DLG2: variants seen among roughly 807,000 people sequenced by gnomAD.
The protein encoded by DLG2 is discs large MAGUK scaffold protein 2, also known as disks large homolog 2.
DLG2 carries 45 observed loss-of-function variants against 132.5 expected under a neutral mutation model. The observed-to-expected ratio is 0.34, with a 90% CI of 0.27 to 0.44. DLG2 has a LOEUF of 0.44. Among genes scored for constraint, DLG2 ranks in the 20% least tolerant of loss-of-function variants. The pLI is 1.00. For synonymous variants in DLG2, 424 were observed against 419.6 expected (o/e 1.01, Z -0.13); for missense variants, 1,045 against 1,196.9 (o/e 0.87, Z 1.87).
At chr11:85,399,103 T>G (rs1176546875) in intron 3 of DLG2, among the ~76,000 whole-genome samples, 4 of 152,126 alleles carry the variant, frequency 2.6e-5, no homozygotes, top group Non-Finnish European at 5.9e-5. Flanking sequence ...AAAATCAATG[T>G]GCAAAAATCA....
At chr11:84,183,398 G>A (rs2096193911) in intron 8 of DLG2, among the ~76,000 whole-genome samples, 1 of 152,070 alleles carries the variant, frequency 6.6e-6, no homozygotes, top group Admixed American at 6.6e-5. Context: ...CTGTGTGTGT[G>A]TTAGGTGGGG....
chr11:84,940,108 A>G (rs2049208102), intron 6 of DLG2, among the ~76,000 whole-genome samples: 1 of 152,198 alleles, frequency 6.6e-6, no homozygotes, highest in Non-Finnish European at 1.5e-5. Context: ...GTTTTTGGAT[A>G]AAAGCCATTT....
At chr11:83,690,489 C>T (rs2080790382) in intron 18 of DLG2, among the ~76,000 whole-genome samples, 1 of 151,958 alleles carries the variant, frequency 6.6e-6, no homozygotes, top group African/African-American at 2.4e-5. Flanking sequence ...CCTCAAAGGT[C>T]AGTGGCAAAT....
intron 16 of DLG2, among the ~76,000 whole-genome samples, chr11:83,862,452 T>C (rs559948656): frequency 1.3e-5 from 2 of 152,114 alleles, no homozygotes; most frequent in East Asian, 1.9e-4. Context: ...TGAAGGGCAG[T>C]GGTGGGGGAA....
At position 84,490,880 on chromosome 11, in the gene DLG2, T is replaced by A. The variant is rs138196300; in HGVS notation, c.519+43690A>T. On this transcript the variant is annotated intron_variant, in intron 7 of 27. Transcript: ENST00000376104. ...AAAATCCCATTCTAACAGATCTGAA[T>A]GGTTGCGTGTGTGTGTGTGTGTGTG... 3.7e-3 allele frequency among the ~76,000 whole-genome samples: 526 copies of A among 141,758 alleles called. 3 individuals carry two copies. The highest frequency in any genetic ancestry group is 0.015 in the African/African-American group (512 of 34,104). 93.0% of individuals were successfully genotyped at this position (141,758 alleles called of 152,430 possible). A position where few individuals can be genotyped will look rare whatever the true frequency, so the allele number is the denominator to read the frequency against.
At chr11:85,166,261 A>G (rs1471338554) in intron 4 of DLG2, among the ~76,000 whole-genome samples, 1 of 152,038 alleles carries the variant, frequency 6.6e-6, no homozygotes, top group East Asian at 1.9e-4. Flanking sequence ...AATTCCTTTT[A>G]TCGCTTCTCT....
At chr11:84,102,747 G>A (rs1194876040) in intron 9 of DLG2, among the ~76,000 whole-genome samples, 3 of 152,108 alleles carry the variant, frequency 2.0e-5, no homozygotes, top group African/African-American at 7.2e-5. Context: ...CAGAGAAAAG[G>A]GGATGTTTTA....
intron 6 of DLG2, among the ~76,000 whole-genome samples, chr11:84,989,505 C>T (rs1294604473): frequency 6.6e-6 from 1 of 152,088 alleles, no homozygotes; most frequent in East Asian, 1.9e-4. Flanking sequence ...AAAGGTATAC[C>T]ATTCCATGGA....
chr11:84,895,051 C>T (rs2090001378), intron 6 of DLG2, among the ~76,000 whole-genome samples: 1 of 152,136 alleles, frequency 6.6e-6, no homozygotes, highest in South Asian at 2.1e-4. Context: ...AAGCCACTTA[C>T]ATATTCTCAT....
chr11:83,939,743 A>C (rs1205444509), intron 14 of DLG2, among the ~76,000 whole-genome samples: 4 of 152,136 alleles, frequency 2.6e-5, no homozygotes, highest in Non-Finnish European at 5.9e-5. Context: ...GCAAAATCAC[A>C]TTTTCTAAAG....
intron 4 of DLG2, among the ~76,000 whole-genome samples, chr11:85,282,264 TTAGA>T (rs1336987181): frequency 6.6e-6 from 1 of 151,830 alleles, no homozygotes; most frequent in Non-Finnish European, 1.5e-5. Flanking sequence ...AAAAATACAG[TTAGA>T]TAGAAACAGA....
At chr11:84,164,705 C>T (rs1487232205) in intron 8 of DLG2, among the ~76,000 whole-genome samples, 1 of 152,234 alleles carries the variant, frequency 6.6e-6, no homozygotes, top group African/African-American at 2.4e-5. Context: ...GTAGTATCAT[C>T]ACCTAAAGGT....
chr11:84,309,110 G>C (rs992225986), intron 7 of DLG2, among the ~76,000 whole-genome samples: 6 of 151,978 alleles, frequency 3.9e-5, no homozygotes, highest in Admixed American at 3.9e-4. Context: ...ATTACTACCA[G>C]GTTAATGAAG....
At chr11:84,290,371 T>C (rs920322291) in intron 7 of DLG2, among the ~76,000 whole-genome samples, 60 of 152,144 alleles carry the variant, frequency 3.9e-4, no homozygotes, top group African/African-American at 1.4e-3. Flanking sequence ...CTTTGCTCTG[T>C]TGCTTATGAG....
chr11:85,455,715 T>C (rs1397634338), intron 3 of DLG2, among the ~76,000 whole-genome samples: 1 of 152,142 alleles, frequency 6.6e-6, no homozygotes, highest in Non-Finnish European at 1.5e-5. Context: ...CCTAGTTTCT[T>C]GAGGGTTTTT....
intron 19 of DLG2, among the ~76,000 whole-genome samples, chr11:83,597,814 C>CAAACA (rs1555229593): frequency 4.4e-4 from 67 of 151,920 alleles, no homozygotes; most frequent in African/African-American, 1.5e-3. Context: ...AACAAACAAA[C>CAAACA]AAACACAAAA....
intron 4 of DLG2, among the ~76,000 whole-genome samples, chr11:85,217,316 T>TCACACACACACA (rs71895547): frequency 0.017 from 2,393 of 138,250 alleles, 42 homozygotes; most frequent in Admixed American, 0.035. Flanking sequence ...TCTCTCTCTC[T>TCACACACACACA]CTCACACACA....
At chr11:85,349,497 G>A (rs2083115317) in intron 3 of DLG2, among the ~76,000 whole-genome samples, 1 of 151,892 alleles carries the variant, frequency 6.6e-6, no homozygotes. Flanking sequence ...GTGCCATGTT[G>A]GTTTGCTGCA....
At chr11:85,534,811 T>C (rs2075462213) in intron 3 of DLG2, among the ~76,000 whole-genome samples, 1 of 152,190 alleles carries the variant, frequency 6.6e-6, no homozygotes, top group Non-Finnish European at 1.5e-5. Flanking sequence ...TGAGTGCAGG[T>C]GTCTTTTTGG....
Sources: allele counts gnomAD v4.1 joint callset (sites outside exome capture counted in the v4.1 genomes callset), GRCh38; gene constraint gnomAD v4.1.1; transcripts MANE v1.5; gene names NCBI Gene and HGNC (gene_info 2026-07-23, HGNC 2026-07-21).